NT5DC1: variants seen among roughly 807,000 people sequenced by gnomAD.
NT5DC1 encodes the protein 5'-nucleotidase domain containing 1, also known as 5'-nucleotidase domain-containing protein 1.
In NT5DC1, 42 loss-of-function variants were observed where a neutral mutation model predicts 59.4. The ratio of observed to expected loss-of-function variants is 0.71; its 90% CI spans 0.55 to 0.92. The LOEUF is 0.92. Ranked by LOEUF, NT5DC1 falls within the 40% of genes least tolerant of loss-of-function variation. The pLI is 0.00. For missense variants in NT5DC1, 501 were observed against 537.1 expected (o/e 0.93, Z 0.66); for synonymous variants, 172 against 188.1 (o/e 0.91, Z 0.70).
chr6:116,177,425 C>A (rs539969601), intron 6 of NT5DC1, among the ~76,000 whole-genome samples: 16 of 152,274 alleles, frequency 1.1e-4, no homozygotes, highest in South Asian at 8.3e-4. Context: ...TTAGAAATGG[C>A]TTCCATCTGT....
At chr6:116,108,571 T>C in intron 3 of NT5DC1, 136 bp downstream of exon 3, 1 of 613,228 alleles carries the variant, frequency 1.6e-6, no homozygotes, top group Admixed American at 2.8e-5. Flanking sequence ...TGTCTACATG[T>C]CTTTGTATGA....
chr6:116,173,572 TC>T lies in NT5DC1; in HGVS notation c.530-47480del, dbSNP rs142477213. Among the ~76,000 whole-genome samples the T allele has an allele frequency of 5.7e-3, 864 of 152,236 alleles. 17 individuals are homozygous for T. The highest frequency in any genetic ancestry group is 0.046 in the South Asian group (222 of 4,804). Reference sequence around the variant, plus strand: ...TAAAGCTGAGCGAGGGCGAGTGTGCTCCTCAGGGTATGAGGAGCTGTGGACT... The same window carrying T: ...TAAAGCTGAGCGAGGGCGAGTGTGCTCTCAGGGTATGAGGAGCTGTGGACT... On this transcript the variant is annotated intron_variant, in intron 6 of 11. Coordinates refer to ENST00000319550, the MANE Select transcript of NT5DC1 (RefSeq NM_152729.3).
intron 6 of NT5DC1, chr6:116,121,943 T>C (rs769827122): frequency 1.9e-6 from 3 of 1,612,914 alleles, no homozygotes; most frequent in Non-Finnish European, 2.5e-6. Context: ...AGTACCTTGC[T>C]CTCCTCTTAC....
chr6:116,209,233 C>CA (rs1182048249), intron 6 of NT5DC1, among the ~76,000 whole-genome samples: 3 of 151,946 alleles, frequency 2.0e-5, no homozygotes, highest in African/African-American at 7.2e-5. Flanking sequence ...CACCAAGAGA[C>CA]AAAATCAAGG....
intron 6 of NT5DC1, among the ~76,000 whole-genome samples, chr6:116,159,537 A>G (rs1337613759): frequency 6.6e-6 from 1 of 152,182 alleles, no homozygotes; most frequent in Non-Finnish European, 1.5e-5. Context: ...CATGTGAATA[A>G]TTTGCAAACT....
intron 6 of NT5DC1, among the ~76,000 whole-genome samples, chr6:116,133,691 AC>A (rs776773017): frequency 3.9e-5 from 6 of 152,096 alleles, no homozygotes; most frequent in Non-Finnish European, 7.4e-5. Context: ...GTGTTACCTC[AC>A]CCACAGACCT....
At chr6:116,203,248 G>A (rs1197309120) in intron 6 of NT5DC1, among the ~76,000 whole-genome samples, 1 of 151,592 alleles carries the variant, frequency 6.6e-6, no homozygotes, top group East Asian at 1.9e-4. Flanking sequence ...TCTATTTCTT[G>A]GATTCATTTT....
rs1781254373 is a variant in NT5DC1 at position 116,197,359 on chromosome 6, G to A, written c.530-23695G>A. Among the ~76,000 whole-genome samples, 5 of 152,076 alleles carry A rather than the reference G, an allele frequency of 3.3e-5. 1 individual carries two copies. The South Asian group carries it at 1.0e-3, about 32-fold the overall frequency. ...TTTACAAAATCCACAAAAAGTCCTT[G>A]ATTCTCTGCTAGGTCTCTGATTATC... On this transcript the variant is annotated intron_variant, in intron 6 of 11. Transcript: ENST00000319550.
chr6:116,160,657 C>T (rs892629269), intron 6 of NT5DC1, among the ~76,000 whole-genome samples: 18 of 152,102 alleles, frequency 1.2e-4, no homozygotes, highest in Non-Finnish European at 2.1e-4. Context: ...GGTTTTGTTG[C>T]ATTTGTTGTT....
Position 116,100,964 on chromosome 6 carries a change from G to A in NT5DC1, c.34G>A (p.Val12Met), listed in dbSNP as rs958882719. 5 of 1,604,516 alleles carry A rather than the reference G, an allele frequency of 3.1e-6. No homozygotes were observed. In the African/African-American group the frequency reaches 4.1e-5, roughly 13 times the overall value. The change falls in exon 1 of 12, where the codon GTG becomes ATG. Residue 12 changes from valine to methionine, a missense_variant. Val to Met is a conservative substitution (Grantham distance 21). Transcript: ENST00000319550. The stretch of plus-strand genomic sequence containing the variant: ...GCACTTCTCCCTGGCCGCCTGCGAC[G>A]TGGTCGGATTCGACCTGGACCACAC... The part of the protein sequence containing the change: ...AQHFSLAACD[V>M]VGFDLDHTLC...
At chr6:116,210,735 G>A (rs1192057742) in intron 6 of NT5DC1, among the ~76,000 whole-genome samples, 2 of 143,660 alleles carry the variant, frequency 1.4e-5, no homozygotes, top group Non-Finnish European at 3.2e-5. Context: ...TAAAACCATG[G>A]AAATGTTTTA....
intron 6 of NT5DC1, among the ~76,000 whole-genome samples, chr6:116,122,627 G>C (rs1779165493): frequency 6.6e-6 from 1 of 152,132 alleles, no homozygotes; most frequent in Non-Finnish European, 1.5e-5. Context: ...GAGTTCACTT[G>C]ACCTGATAAA....
chr6:116,147,007 A>G (rs1349659012), intron 6 of NT5DC1, among the ~76,000 whole-genome samples: 2 of 148,094 alleles, frequency 1.4e-5, no homozygotes, highest in Non-Finnish European at 3.0e-5. Context: ...TAAAATATAT[A>G]TATATATTTT....
intron 6 of NT5DC1, among the ~76,000 whole-genome samples, chr6:116,169,864 A>G (rs1420005043): frequency 1.3e-5 from 2 of 152,230 alleles, no homozygotes; most frequent in Admixed American, 6.5e-5. Context: ...TGAGCAAGTG[A>G]TAATCCAGCA....
chr6:116,123,290 T>A (rs1266489135), intron 6 of NT5DC1, among the ~76,000 whole-genome samples: 1 of 152,212 alleles, frequency 6.6e-6, no homozygotes, highest in African/African-American at 2.4e-5. Flanking sequence ...CTTGGAATGT[T>A]GTCCTAATGG....
intron 6 of NT5DC1, among the ~76,000 whole-genome samples, chr6:116,210,269 G>A (rs1781548332): frequency 6.6e-6 from 1 of 151,788 alleles, no homozygotes; most frequent in African/African-American, 2.4e-5. Flanking sequence ...TCAAAAAGAA[G>A]CTAATTTGAT....
intron 6 of NT5DC1, chr6:116,121,736 C>T (rs374272456): frequency 1.2e-6 from 2 of 1,613,890 alleles, no homozygotes; most frequent in African/African-American, 1.3e-5. Context: ...TCCAACATCT[C>T]CTTTTGGTCC....
chr6:116,192,197 A>G (rs1384341536), intron 6 of NT5DC1, among the ~76,000 whole-genome samples: 1 of 151,934 alleles, frequency 6.6e-6, no homozygotes, highest in Non-Finnish European at 1.5e-5. Context: ...CAGTTAATTA[A>G]CCTCTGTAAG....
intron 6 of NT5DC1, among the ~76,000 whole-genome samples, chr6:116,162,133 T>C (rs926932224): frequency 6.6e-6 from 1 of 152,196 alleles, no homozygotes; most frequent in Non-Finnish European, 1.5e-5. Context: ...TTTTGTATCC[T>C]GAGACTTTAG....
Sources: allele counts gnomAD v4.1 joint callset (sites outside exome capture counted in the v4.1 genomes callset), GRCh38; gene constraint gnomAD v4.1.1; transcripts MANE v1.5; gene names NCBI Gene and HGNC (gene_info 2026-07-23, HGNC 2026-07-21).